The following SASH1 variants were observed in gnomAD, a reference collection of about 807,000 sequenced individuals.
SASH1 encodes SAM and SH3 domain-containing protein 1.
A neutral mutation model predicts 125.2 loss-of-function variants in SASH1; 44 were observed. The observed-to-expected ratio is 0.35, with a 90% CI of 0.28 to 0.45. The LOEUF is 0.45. Ranked by LOEUF, SASH1 falls within the 20% of genes least tolerant of loss-of-function variation. The probability of loss-of-function intolerance (pLI) is 1.00; values close to 1 mark genes in which losing one functional copy is unlikely to be tolerated. For missense variants in SASH1, 1,426 were observed against 1,614.5 expected (o/e 0.88, Z 2.00); for synonymous variants, 639 against 649.1 (o/e 0.98, Z 0.24).
chr6:148,466,704 A>G (rs972478719), intron 4 of SASH1, among the ~76,000 whole-genome samples: 1 of 152,002 alleles, frequency 6.6e-6, no homozygotes, highest in South Asian at 2.1e-4. Context: ...TAGAACTAGC[A>G]CTATAGATGC....
upstream of SASH1, among the ~76,000 whole-genome samples, chr6:148,340,344 G>C (rs9485280): frequency 2.8e-4 from 42 of 151,962 alleles, no homozygotes; most frequent in Middle Eastern, 6.8e-3. Context: ...TTAGCCAGGC[G>C]TGGTGGTGCA....
At chr6:148,426,782 C>A (rs1775842428) in intron 2 of SASH1, among the ~76,000 whole-genome samples, 1 of 152,170 alleles carries the variant, frequency 6.6e-6, no homozygotes, top group Admixed American at 6.5e-5. Context: ...TTATGTAGTG[C>A]TTCCTGTCAC....
chr6:148,347,652 C>CTA (rs1199783893), intron 1 of SASH1, among the ~76,000 whole-genome samples: 3 of 152,296 alleles, frequency 2.0e-5, no homozygotes, highest in African/African-American at 7.2e-5. Flanking sequence ...TGGGAGGTGT[C>CTA]TAGAGTTGTG....
At chr6:148,341,984 C>T (rs2114628416), upstream of SASH1, among the ~76,000 whole-genome samples, 1 of 152,316 alleles carries the variant, frequency 6.6e-6, no homozygotes, top group Admixed American at 6.5e-5. Flanking sequence ...TGTCCTGGGG[C>T]TTCCCCTTGG....
chr6:148,258,109 G>A, the SASH1 span, among the ~76,000 whole-genome samples: 1 of 151,774 alleles, frequency 6.6e-6, no homozygotes, highest in Non-Finnish European at 1.5e-5. Context: ...TAAGAGATGG[G>A]GATCTCACTA....
At chr6:148,281,935 G>A (rs1779353052) in intron 1 of SASH1, among the ~76,000 whole-genome samples, 1 of 148,758 alleles carries the variant, frequency 6.7e-6, no homozygotes, top group East Asian at 2.0e-4. Context: ...AAAAAAAAAG[G>A]AAAAAGAAAA....
intron 2 of SASH1, among the ~76,000 whole-genome samples, chr6:148,403,209 G>A (rs1784245750): frequency 6.6e-6 from 1 of 151,234 alleles, no homozygotes; most frequent in Admixed American, 6.6e-5. Context: ...TATGTCCTTG[G>A]GTAATATGAT....
intron 1 of SASH1, among the ~76,000 whole-genome samples, chr6:148,352,171 A>G (rs1781752674): frequency 6.6e-6 from 1 of 152,254 alleles, no homozygotes; most frequent in Admixed American, 6.5e-5. Context: ...TTGAGTTCAA[A>G]TTGTGGCTTT....
At chr6:148,417,985 T>G (rs1004566963) in intron 2 of SASH1, among the ~76,000 whole-genome samples, 13 of 152,146 alleles carry the variant, frequency 8.5e-5, no homozygotes, top group Non-Finnish European at 5.9e-5. Context: ...GCACATGTAC[T>G]CAATTTATAG....
chr6:148,405,367 T>C (rs997466282), intron 2 of SASH1, among the ~76,000 whole-genome samples: 1 of 152,116 alleles, frequency 6.6e-6, no homozygotes. Flanking sequence ...TGTCCCTTCT[T>C]CCTTCCCGCC....
chr6:148,276,431 A>G (rs995147498), intron 1 of SASH1, among the ~76,000 whole-genome samples: 3 of 152,190 alleles, frequency 2.0e-5, no homozygotes, highest in African/African-American at 7.2e-5. Context: ...GGCTAGCATT[A>G]CCTTTTTACA....
intron 1 of SASH1, among the ~76,000 whole-genome samples, chr6:148,357,678 A>C (rs1056645799): frequency 6.6e-6 from 1 of 152,144 alleles, no homozygotes; most frequent in African/African-American, 2.4e-5. Context: ...CCAGAACAGC[A>C]CCCATGACTG....
intron 1 of SASH1, among the ~76,000 whole-genome samples, chr6:148,300,479 T>C: frequency 6.8e-6 from 1 of 146,158 alleles, no homozygotes; most frequent in Non-Finnish European, 1.5e-5. Context: ...GATGGGGTCT[T>C]GCTCTGTCAC....
intron 2 of SASH1, among the ~76,000 whole-genome samples, chr6:148,429,385 TAAAAAAAAAAAAA>T (rs61460366): frequency 4.1e-5 from 3 of 73,938 alleles, no homozygotes; most frequent in Middle Eastern, 0.013. Flanking sequence ...CCCTGTCTCT[TAAAAAAAAAAAAA>T]AAAAAAAAAA....
rs142709169 is a variant in SASH1 at position 148,493,809 on chromosome 6, A to T, written c.729+6094A>T. On this transcript the variant is annotated intron_variant, in intron 8 of 19. Coordinates refer to ENST00000367467, the MANE Select transcript of SASH1 (RefSeq NM_015278.5). ...TTTTGTGCTGTTTTCCATTAATAAT[A>T]AACTTCTGTTGGGAGTGCTAAAAGT... Among the ~76,000 whole-genome samples, 26 of 152,376 alleles carry T rather than the reference A, an allele frequency of 1.7e-4. No homozygotes were observed. In the East Asian group the frequency reaches 4.4e-3, roughly 26 times the overall value.
At chr6:148,508,618 C>T (rs2115302036) in intron 8 of SASH1, 1 of 1,146,142 alleles carries the variant, frequency 8.7e-7, no homozygotes, top group Admixed American at 4.4e-5. Context: ...TAGCAAGCGA[C>T]TGGGGAATCA....
chr6:148,471,383 GTTCTTTTTT>G (rs1562439249), intron 5 of SASH1, 25 bp from the exon 6 acceptor site: 1 of 736,274 alleles, frequency 1.4e-6, no homozygotes, highest in South Asian at 2.7e-5. Context: ...TGTGCTTTTT[GTTCTTTTTT>G]TTTTTTTTTT....
intron 12 of SASH1, among the ~76,000 whole-genome samples, chr6:148,530,691 T>C (rs971371259): frequency 4.6e-5 from 7 of 152,250 alleles, no homozygotes; most frequent in African/African-American, 1.7e-4. Context: ...CTTTTCTATT[T>C]TGGCAAGTAA....
intron 1 of SASH1, among the ~76,000 whole-genome samples, chr6:148,351,933 A>C (rs1004744969): frequency 1.2e-4 from 18 of 152,014 alleles, no homozygotes; most frequent in African/African-American, 3.6e-4. Context: ...TTTTCATAGG[A>C]TTTTAAGGAC....
Sources: gnomAD v4.1 joint callset for allele counts (sites outside exome capture counted in the v4.1 genomes callset) on GRCh38, gnomAD v4.1.1 for gene constraint, MANE v1.5 for transcripts, NCBI Gene and HGNC (gene_info 2026-07-23, HGNC 2026-07-21) for gene names.